Variants in ADAMTS3 observed in about 807,000 individuals in gnomAD.
ADAMTS3 encodes ADAM metallopeptidase with thrombospondin type 1 motif 3, also known as A disintegrin and metalloproteinase with thrombospondin motifs 3.
In ADAMTS3, 73 loss-of-function variants were observed where a neutral mutation model predicts 129.0. The observed-to-expected ratio is 0.57, with a 90% confidence interval of 0.47 to 0.69. The LOEUF is 0.69. ADAMTS3 is among the 30% of genes least tolerant of loss of function. The probability of loss-of-function intolerance (pLI) is 0.00; values close to 1 mark genes in which losing one functional copy is unlikely to be tolerated. For synonymous variants in ADAMTS3, 477 were observed against 510.8 expected (o/e 0.93, Z 0.89); for missense variants, 1,457 against 1,514.5 (o/e 0.96, Z 0.63).
chr4:72,520,795 G>A (rs1030009017), intron 3 of ADAMTS3, among the ~76,000 whole-genome samples: 2 of 151,992 alleles, frequency 1.3e-5, no homozygotes, highest in Non-Finnish European at 2.9e-5. Flanking sequence ...TGTGCTTCCC[G>A]AGTGAGGCAA....
intron 5 of ADAMTS3, among the ~76,000 whole-genome samples, chr4:72,334,603 T>C (rs1719942695): frequency 1.3e-5 from 2 of 152,150 alleles, no homozygotes; most frequent in South Asian, 4.1e-4. Flanking sequence ...CAACAATTTT[T>C]ATCATGCTTA....
rs528385423 is a variant in ADAMTS3, at chr4:72,322,564, T to A, written c.945+450A>T. On this transcript the variant is annotated intron_variant, in intron 6 of 21. Transcript: ENST00000286657. ...TATATAAAATATTGTTTTTAGCGAA[T>A]CAAGAGAAGACAAAGATCTTTGTCT... 5.3e-5 allele frequency among the ~76,000 whole-genome samples: 8 copies of A among 152,318 alleles called. No individual in the cohort carries two copies. The South Asian group carries it at 1.7e-3, about 32-fold the overall frequency.
chr4:72,526,237 C>T (rs964184894), intron 3 of ADAMTS3, among the ~76,000 whole-genome samples: 1 of 152,160 alleles, frequency 6.6e-6, no homozygotes, highest in South Asian at 2.1e-4. Context: ...CAGGGTTGTG[C>T]TATTTAAAGC....
chr4:72,397,755 G>A (rs1268889953), intron 4 of ADAMTS3, among the ~76,000 whole-genome samples: 11 of 152,158 alleles, frequency 7.2e-5, no homozygotes, highest in Admixed American at 7.2e-4. Context: ...AGATGAGGCA[G>A]TGATATCTAA....
At chr4:72,357,488 T>C (rs1175989282) in intron 4 of ADAMTS3, among the ~76,000 whole-genome samples, 1 of 151,932 alleles carries the variant, frequency 6.6e-6, no homozygotes, top group Non-Finnish European at 1.5e-5. Flanking sequence ...AGCTCATAGA[T>C]ATAATGTTAA....
intron 4 of ADAMTS3, among the ~76,000 whole-genome samples, chr4:72,342,973 G>A (rs1416818859): frequency 6.6e-6 from 1 of 152,184 alleles, no homozygotes; most frequent in Non-Finnish European, 1.5e-5. Flanking sequence ...ACAGGCAAAA[G>A]AAGAAAAAGG....
At chr4:72,315,108 A>C (rs779560163) in intron 11 of ADAMTS3, among the ~76,000 whole-genome samples, 6 of 152,162 alleles carry the variant, frequency 3.9e-5, no homozygotes, top group Non-Finnish European at 8.8e-5. Flanking sequence ...CTTCTGTATA[A>C]GTTCACATGA....
intron 3 of ADAMTS3, among the ~76,000 whole-genome samples, chr4:72,511,959 C>T (rs1038827648): frequency 6.6e-6 from 1 of 152,130 alleles, no homozygotes; most frequent in African/African-American, 2.4e-5. Context: ...TTGTCATTTG[C>T]AACAACATGG....
chr4:72,428,678 A>T (rs1355534938), intron 3 of ADAMTS3, among the ~76,000 whole-genome samples: 1 of 152,044 alleles, frequency 6.6e-6, no homozygotes, highest in Non-Finnish European at 1.5e-5. Context: ...TTCTGGTCAC[A>T]GCTTTGCTAT....
At chr4:72,320,132 T>C (rs1719515067) in intron 7 of ADAMTS3, among the ~76,000 whole-genome samples, 169 bp from the exon 8 acceptor site, 1 of 152,202 alleles carries the variant, frequency 6.6e-6, no homozygotes, top group African/African-American at 2.4e-5. Context: ...CCACAGGTAA[T>C]GTTCTCTAAA....
chr4:72,308,073 C>T (rs1719134990), intron 15 of ADAMTS3, among the ~76,000 whole-genome samples: 1 of 151,840 alleles, frequency 6.6e-6, no homozygotes, highest in Non-Finnish European at 1.5e-5. Context: ...AATTATTTTA[C>T]ATCCAAAAGA....
chr4:72,362,065 T>C (rs1720742840), intron 4 of ADAMTS3, among the ~76,000 whole-genome samples: 1 of 152,092 alleles, frequency 6.6e-6, no homozygotes, highest in Non-Finnish European at 1.5e-5. Flanking sequence ...TCAAGTGTTA[T>C]TACCATAATC....
intron 14 of ADAMTS3, among the ~76,000 whole-genome samples, chr4:72,310,268 C>T (rs1256968498): frequency 1.3e-5 from 2 of 151,990 alleles, no homozygotes; most frequent in Non-Finnish European, 2.9e-5. Context: ...AATAATGATA[C>T]ACAATACACT....
intron 3 of ADAMTS3, among the ~76,000 whole-genome samples, chr4:72,460,398 G>T (rs1173211173): frequency 6.6e-6 from 1 of 151,272 alleles, no homozygotes; most frequent in Non-Finnish European, 1.5e-5. Context: ...AGGGAGGGAA[G>T]AATAAAAATA....
chr4:72,536,937 T>G (rs1281162682), intron 3 of ADAMTS3, among the ~76,000 whole-genome samples: 3 of 152,148 alleles, frequency 2.0e-5, no homozygotes, highest in African/African-American at 7.2e-5. Flanking sequence ...AAAATTAAAA[T>G]GTAACAGGTA....
chr4:72,514,861 T>A (rs1475093670), intron 3 of ADAMTS3, among the ~76,000 whole-genome samples: 1 of 152,066 alleles, frequency 6.6e-6, no homozygotes, highest in Non-Finnish European at 1.5e-5. Flanking sequence ...ATACTTTAAG[T>A]TTTAGGGTAC....
chr4:72,306,125 T>C (rs977716497), intron 15 of ADAMTS3, 58 bp from the exon 16 acceptor site: 4 of 1,357,032 alleles, frequency 2.9e-6, no homozygotes, highest in South Asian at 1.3e-5. Flanking sequence ...GCAACAACCA[T>C]GGTTAGTTGA....
At chr4:72,415,321 A>G (rs986118349) in intron 3 of ADAMTS3, among the ~76,000 whole-genome samples, 9 of 152,016 alleles carry the variant, frequency 5.9e-5, no homozygotes, top group African/African-American at 2.2e-4. Context: ...ATCATATGGG[A>G]CACATAAATT....
At chr4:72,291,143 TC>T in intron 19 of ADAMTS3, 81 bp from the exon 20 acceptor site, 1 of 1,487,300 alleles carries the variant, frequency 6.7e-7, no homozygotes, top group South Asian at 1.3e-5. Flanking sequence ...CCTAGACTTT[TC>T]TGCTCTCTAA....
Sources: allele counts gnomAD v4.1 joint callset (sites outside exome capture counted in the v4.1 genomes callset), GRCh38; gene constraint gnomAD v4.1.1; transcripts MANE v1.5; gene names NCBI Gene and HGNC (gene_info 2026-07-23, HGNC 2026-07-21).